Variants in TEX15 observed in about 807,000 individuals in gnomAD.
TEX15 encodes the protein testis expressed 15, meiosis and synapsis associated, also known as testis-expressed protein 15.
TEX15 carries 171 observed loss-of-function variants against 237.3 expected under a neutral mutation model. The observed-to-expected ratio is 0.72, with a 90% CI of 0.64 to 0.82. TEX15 has a LOEUF of 0.82. Among genes scored for constraint, TEX15 ranks in the 40% least tolerant of loss-of-function variants. The probability of loss-of-function intolerance (pLI) is 0.00; values close to 1 mark genes in which losing one functional copy is unlikely to be tolerated. For synonymous variants in TEX15, 1,338 were observed against 1,269.8 expected (o/e 1.05, Z -1.14); for missense variants, 3,750 against 3,646.5 (o/e 1.03, Z -0.73).
chr8:30,839,688 G>T (rs1807397392), intron 9 of TEX15, among the ~76,000 whole-genome samples: 1 of 152,048 alleles, frequency 6.6e-6, no homozygotes, highest in African/African-American at 2.4e-5. Flanking sequence ...CATGACTTTA[G>T]CCTTTAATAC....
rs771930328 is a variant in TEX15, at chr8:30,848,865, T to C, written c.1302A>G (p.Pro434=). The C allele has an allele frequency of 8.9e-5, 143 of 1,614,062 alleles. No homozygotes were observed. Among genetic ancestry groups the C allele is most frequent in the Non-Finnish European group, 1.2e-4 (137 of 1,180,040 alleles). Residue 434 remains proline (P), a synonymous_variant, in exon 8 of 11, where the codon CCA becomes CCG. Transcript: ENST00000643185. ...TACTTTCTTCTCTCCTCATCAGTCT[T>C]GGGTCTTTGATGGATTTTGAAGTAG... The part of the protein sequence containing the change: ...TVTTSKSIKD[P]RLMRREESMG...
chr8:30,850,510 A>G (rs1472340889), intron 7 of TEX15, among the ~76,000 whole-genome samples: 2 of 152,190 alleles, frequency 1.3e-5, no homozygotes, highest in African/African-American at 2.4e-5. Flanking sequence ...TTTTCACAGT[A>G]AGAGAGCTAT....
At chr8:30,840,907 T>C (rs1807437358) in intron 8 of TEX15, among the ~76,000 whole-genome samples, 1 of 152,152 alleles carries the variant, frequency 6.6e-6, no homozygotes, top group Admixed American at 6.6e-5. Context: ...CCAGACTTAA[T>C]TTAAAAATTA....
chr8:30,860,920 A>AT (rs893400832), intron 5 of TEX15, among the ~76,000 whole-genome samples: 46 of 147,934 alleles, frequency 3.1e-4, no homozygotes, highest in African/African-American at 5.9e-4. Context: ...ATAGCTCAGA[A>AT]TTTTTTTTTT....
rs1478392388 is a variant in TEX15 at position 30,831,823 on chromosome 8, ATGGCTGTTATTCATTTT to A, written c.*1446_*1462del. The A allele has an allele frequency of 6.6e-6, 1 of 152,214 alleles. No homozygotes were observed. Among genetic ancestry groups the A allele is most frequent in the Non-Finnish European group, 1.5e-5 (1 of 68,028 alleles). 9.4% of individuals were successfully genotyped at this position (152,214 alleles called of 1,614,324 possible). ...AATGACTGAGGGAAACATAAATCAA[ATGGCTGTTATTCATTTT>A]TGGCTGTTATTCATTTTTGAATACC... On this transcript the variant is annotated 3_prime_UTR_variant, in exon 11 of 11. Coordinates refer to ENST00000643185, the MANE Select transcript of TEX15 (RefSeq NM_001350162.2).
intron 1 of TEX15, among the ~76,000 whole-genome samples, chr8:30,911,159 G>C (rs979765544): frequency 6.6e-6 from 1 of 151,718 alleles, no homozygotes; most frequent in African/African-American, 2.4e-5. Context: ...TCGCTCTGTC[G>C]CCCGGGCTGG....
chr8:30,855,125 A>G (rs1807882140), intron 7 of TEX15, among the ~76,000 whole-genome samples: 1 of 152,042 alleles, frequency 6.6e-6, no homozygotes, highest in African/African-American at 2.4e-5. Flanking sequence ...CAATTATGCA[A>G]AAAAAGACTG....
At chr8:30,889,238 G>GT (rs1808731352) in intron 2 of TEX15, among the ~76,000 whole-genome samples, 1 of 152,146 alleles carries the variant, frequency 6.6e-6, no homozygotes, top group Non-Finnish European at 1.5e-5. Flanking sequence ...GGATCACCAG[G>GT]TCAGGAGTTT....
chr8:30,876,396 G>C (rs991725355), intron 3 of TEX15, among the ~76,000 whole-genome samples: 15 of 152,218 alleles, frequency 9.9e-5, no homozygotes, highest in African/African-American at 3.1e-4. Context: ...CTGACTCTGG[G>C]TAATGTGACC....
intron 1 of TEX15, among the ~76,000 whole-genome samples, chr8:30,907,632 TTTATATCTAATTTATATA>T (rs1005795183): frequency 3.7e-4 from 53 of 144,484 alleles, no homozygotes; most frequent in African/African-American, 1.2e-3. Context: ...ATATATAAAT[TTTATATCTAATTTATATA>T]TTATATATAA....
chr8:30,852,779 C>A (rs935188597), intron 7 of TEX15, among the ~76,000 whole-genome samples: 1 of 152,006 alleles, frequency 6.6e-6, no homozygotes, highest in African/African-American at 2.4e-5. Context: ...CTAATAAAAC[C>A]AGATTACAAT....
rs753399884 is a variant in TEX15 at position 30,844,651 on chromosome 8, G to GT, written c.5515dup (p.Thr1839AsnfsTer2). On this transcript the variant is annotated frameshift_variant, in exon 8 of 11. Transcript: ENST00000643185. LOFTEE classifies it high-confidence loss of function. ...AACTTTCCACGTTATTCTGTCCTCA[G>GT]TGTCTTTCTTCACAATACATGTTTC... 1 of 1,613,274 alleles carries GT rather than the reference G, an allele frequency of 6.2e-7. No individual in the cohort carries two copies. Among genetic ancestry groups the GT allele is most frequent in the South Asian group, 1.1e-5 (1 of 91,050 alleles).
chr8:30,907,343 G>C (rs1243512286), intron 1 of TEX15, among the ~76,000 whole-genome samples: 1 of 151,492 alleles, frequency 6.6e-6, no homozygotes, highest in Non-Finnish European at 1.5e-5. Context: ...ACAGTTTTCT[G>C]CACGCTTGAA....
chr8:30,873,350 ATTCT>A (rs1481021310), intron 4 of TEX15, among the ~76,000 whole-genome samples: 1 of 152,140 alleles, frequency 6.6e-6, no homozygotes, highest in Non-Finnish European at 1.5e-5. Context: ...CCACAAAGTG[ATTCT>A]TTTTTATTGA....
chr8:30,871,001 T>C (rs1475260532), intron 4 of TEX15, among the ~76,000 whole-genome samples: 1 of 152,008 alleles, frequency 6.6e-6, no homozygotes, highest in Non-Finnish European at 1.5e-5. Flanking sequence ...CCACCATCCT[T>C]GGCTCATAAT....
At chr8:30,892,819 G>A (rs1356553543) in intron 2 of TEX15, among the ~76,000 whole-genome samples, 1 of 152,044 alleles carries the variant, frequency 6.6e-6, no homozygotes, top group Non-Finnish European at 1.5e-5. Flanking sequence ...GGATCACAAG[G>A]TCAGGAGATC....
intron 5 of TEX15, among the ~76,000 whole-genome samples, chr8:30,862,702 T>C (rs1001973740): frequency 6.6e-6 from 1 of 152,188 alleles, no homozygotes; most frequent in African/African-American, 2.4e-5. Flanking sequence ...TTCATGCAAA[T>C]CAGGATACCT....
In TEX15 at chr8:30,848,207, T is replaced by C. The variant is rs748413934; in HGVS notation, c.1960A>G (p.Ser654Gly). ...AAAACAATGTAATTATCTATTGGAC[T>C]GATTTTTGTTTCATTAGTGAAATCA... ...DNDFTNETKI[S>G]PIDNYIVLHQ... The change falls in exon 8 of 11, where the codon AGT (serine) becomes GGT (glycine). Residue 654 changes from serine (S) to glycine (G), a missense_variant. Physicochemically the swap from Ser to Gly is moderately conservative, Grantham distance 56. Coordinates refer to ENST00000643185, the MANE Select transcript of TEX15 (RefSeq NM_001350162.2). The C allele has an allele frequency of 8.1e-5, 131 of 1,612,274 alleles. No homozygotes were observed. Among genetic ancestry groups the C allele is most frequent in the Non-Finnish European group, 1.1e-4 (126 of 1,179,772 alleles).
chr8:30,838,492 C>A (rs895360938), intron 9 of TEX15, among the ~76,000 whole-genome samples: 5 of 152,020 alleles, frequency 3.3e-5, no homozygotes, highest in South Asian at 4.1e-4. Context: ...AAGATTTCTT[C>A]CCTCTCTGTT....
Sources: gnomAD v4.1 joint callset for allele counts (sites outside exome capture counted in the v4.1 genomes callset) on GRCh38, gnomAD v4.1.1 for gene constraint, MANE v1.5 for transcripts, NCBI Gene and HGNC (gene_info 2026-07-23, HGNC 2026-07-21) for gene names.